Variants in BPGM observed in about 807,000 individuals in gnomAD.
The protein encoded by BPGM is 2,3-bisphosphoglycerate mutase, erythrocyte.
BPGM carries 15 observed loss-of-function variants against 21.6 expected under a neutral mutation model. The observed-to-expected ratio is 0.70, with a 90% CI of 0.47 to 1.07. BPGM has a LOEUF of 1.07. Among genes scored for constraint, BPGM ranks in the 50% least tolerant of loss-of-function variants. The probability of loss-of-function intolerance (pLI) is 0.00; values close to 1 mark genes in which losing one functional copy is unlikely to be tolerated. For missense variants in BPGM, 273 were observed against 319.0 expected (o/e 0.86, Z 1.10); for synonymous variants, 113 against 116.2 (o/e 0.97, Z 0.18).
In BPGM at chr7:134,646,941, A is replaced by G; in HGVS notation, c.-62+4A>G. ...GCTGCTGGTGGCCCCTTTGCAGGTG[A>G]GTGGCTTTGTTTTAGAAAATGTTGC... On this transcript the variant is annotated splice_donor_region_variant and intron_variant, in intron 1 of 2. Transcript: ENST00000344924. 5.6e-6 allele frequency: 1 copy of G among 177,732 alleles called. No individual in the cohort carries two copies. Among genetic ancestry groups the G allele is most frequent in the Non-Finnish European group, 1.2e-5 (1 of 82,062 alleles). 11.0% of individuals were successfully genotyped at this position (177,732 alleles called of 1,614,324 possible).
intron 1 of BPGM, among the ~76,000 whole-genome samples, chr7:134,649,182 T>C (rs1267592471): frequency 2.6e-5 from 4 of 152,190 alleles, no homozygotes; most frequent in African/African-American, 9.7e-5. Flanking sequence ...TTGTTTTTTT[T>C]TTTACTATAG....
intron 1 of BPGM, among the ~76,000 whole-genome samples, chr7:134,648,390 C>T (rs527239087): frequency 4.3e-4 from 65 of 152,138 alleles, no homozygotes; most frequent in Non-Finnish European, 7.4e-4. Context: ...CTGCCTCGGC[C>T]TCCCAAAGTG....
Position 134,658,892 on chromosome 7 carries a change from A to ATTTTTTTT in BPGM, c.-61-2552_-61-2545dup, listed in dbSNP as rs1554411129. ...TCTGTTCTGGTGTGTGTGTGTGTGTATTTTTTTTTTAGTAAAAAGAAAACA... is the reference window on the plus strand; with the variant it reads ...TCTGTTCTGGTGTGTGTGTGTGTGTATTTTTTTTTTTTTTTTTTAGTAAAAAGAAAACA... On this transcript the variant is annotated intron_variant, in intron 1 of 2. Coordinates refer to ENST00000344924, the MANE Select transcript of BPGM (RefSeq NM_001724.5). 6.3e-5 allele frequency among the ~76,000 whole-genome samples: 9 copies of ATTTTTTTT among 143,900 alleles called. 1 individual carries two copies. The highest frequency in any genetic ancestry group is 2.4e-4 in the African/African-American group (9 of 38,124). 94.4% of individuals were successfully genotyped at this position (143,900 alleles called of 152,430 possible). A position where few individuals can be genotyped will look rare whatever the true frequency, so the allele number is the denominator to read the frequency against.
At chr7:134,675,486 G>C (rs1434559460) in intron 2 of BPGM, among the ~76,000 whole-genome samples, 1 of 152,060 alleles carries the variant, frequency 6.6e-6, no homozygotes, top group Non-Finnish European at 1.5e-5. Flanking sequence ...AGTTATCCCA[G>C]TACTATTTGT....
At chr7:134,651,383 G>A (rs1435737439) in intron 1 of BPGM, among the ~76,000 whole-genome samples, 1 of 152,178 alleles carries the variant, frequency 6.6e-6, no homozygotes, top group Admixed American at 6.5e-5. Context: ...ACGTGAGGAA[G>A]GGAGGAAGCA....
intron 2 of BPGM, among the ~76,000 whole-genome samples, chr7:134,677,194 C>A (rs1388020980): frequency 1.3e-5 from 2 of 152,164 alleles, no homozygotes; most frequent in Admixed American, 6.5e-5. Flanking sequence ...CTCTTTTAAG[C>A]CACCCCTTTT....
At chr7:134,674,484 A>C (rs1168696761) in intron 2 of BPGM, among the ~76,000 whole-genome samples, 3 of 152,154 alleles carry the variant, frequency 2.0e-5, no homozygotes, top group Non-Finnish European at 4.4e-5. Context: ...TGGACATTTC[A>C]TGTAAATGGA....
At chr7:134,648,316 G>T (rs967036984) in intron 1 of BPGM, among the ~76,000 whole-genome samples, 1 of 150,912 alleles carries the variant, frequency 6.6e-6, no homozygotes, top group East Asian at 2.0e-4. Context: ...TGTGTTTTTA[G>T]TAGAGACAGG....
chr7:134,662,093 C>G lies in BPGM; in HGVS notation c.586C>G (p.Leu196Val). The change falls in exon 2 of 3, where the codon CTA becomes GTA. Residue 196 changes from leucine (L) to valine (V), a missense_variant. Physicochemically the swap from Leu to Val is conservative, Grantham distance 32 (BLOSUM62 1). Transcript: ENST00000344924. ...TCATGGAAATAGCAGTAGGGCACTC[C>G]TAAAACACCTGGAAGGTACCAGCTT... ...SAHGNSSRAL[L>V]KHLEGISDED... 6.2e-7 allele frequency: 1 copy of G among 1,614,102 alleles called. No individual in the cohort carries two copies. Among genetic ancestry groups the G allele is most frequent in the Non-Finnish European group, 8.5e-7 (1 of 1,179,990 alleles).
rs58864408 is a variant in BPGM, at chr7:134,649,273, T to C, written c.-62+2336T>C. Reference sequence around the variant, plus strand: ...CATTACAAGGATATACTCTTTTGTGTTCCTATTTAAACCAAACCAGATTAT... The same window carrying C: ...CATTACAAGGATATACTCTTTTGTGCTCCTATTTAAACCAAACCAGATTAT... On this transcript the variant is annotated intron_variant, in intron 1 of 2. Coordinates refer to ENST00000344924, the MANE Select transcript of BPGM (RefSeq NM_001724.5). Among the ~76,000 whole-genome samples the C allele has an allele frequency of 3.3e-3, 498 of 152,332 alleles. 2 individuals carry two copies. Among genetic ancestry groups the C allele is most frequent in the African/African-American group, 0.011 (476 of 41,560 alleles).
At chr7:134,649,452 T>C (rs1795522421) in intron 1 of BPGM, among the ~76,000 whole-genome samples, 1 of 152,196 alleles carries the variant, frequency 6.6e-6, no homozygotes, top group Non-Finnish European at 1.5e-5. Context: ...AAGTAATGAT[T>C]GATGCACCTA....
chr7:134,676,511 G>GC (rs749947952), intron 2 of BPGM, among the ~76,000 whole-genome samples: 40 of 152,148 alleles, frequency 2.6e-4, no homozygotes, highest in Non-Finnish European at 5.4e-4. Context: ...AACAGATAAA[G>GC]CATGGTCCTT....
chr7:134,656,889 T>G (rs1795647002), intron 1 of BPGM, among the ~76,000 whole-genome samples: 1 of 152,220 alleles, frequency 6.6e-6, no homozygotes, highest in African/African-American at 2.4e-5. Context: ...AAGTCTCATC[T>G]GAGACGAGGC....
intron 2 of BPGM, among the ~76,000 whole-genome samples, chr7:134,665,851 T>C (rs1436362823): frequency 6.7e-6 from 1 of 149,732 alleles, no homozygotes; most frequent in East Asian, 1.9e-4. Flanking sequence ...TCTTTTCTTT[T>C]AGAGATTAAT....
intron 1 of BPGM, among the ~76,000 whole-genome samples, chr7:134,657,172 T>C (rs1247129060): frequency 6.6e-6 from 1 of 152,222 alleles, no homozygotes; most frequent in Non-Finnish European, 1.5e-5. Context: ...TAAAACTTCA[T>C]TGTGCCTCGC....
intron 2 of BPGM, among the ~76,000 whole-genome samples, chr7:134,669,362 G>T (rs1438950979): frequency 6.6e-6 from 1 of 152,112 alleles, no homozygotes; most frequent in Admixed American, 6.6e-5. Flanking sequence ...AATGTTATAG[G>T]TTGAAAGCTC....
At chr7:134,677,280 C>T (rs773679843) in intron 2 of BPGM, among the ~76,000 whole-genome samples, 3 of 151,900 alleles carry the variant, frequency 2.0e-5, no homozygotes, top group Non-Finnish European at 2.9e-5. Context: ...TTTTAATTGA[C>T]AGGAGAATTG....
intron 1 of BPGM, among the ~76,000 whole-genome samples, chr7:134,656,290 A>T (rs1453727601): frequency 1.3e-5 from 2 of 152,254 alleles, no homozygotes. Flanking sequence ...GGAGCACTTG[A>T]AATGTGGCTG....
chr7:134,652,905 C>T (rs1585851990), intron 1 of BPGM, among the ~76,000 whole-genome samples: 1 of 152,232 alleles, frequency 6.6e-6, no homozygotes, highest in East Asian at 1.9e-4. Flanking sequence ...GCTTCCATAT[C>T]TTGGCTATTG....
Sources: gnomAD v4.1 joint callset for allele counts (sites outside exome capture counted in the v4.1 genomes callset) on GRCh38, gnomAD v4.1.1 for gene constraint, MANE v1.5 for transcripts, NCBI Gene and HGNC (gene_info 2026-07-23, HGNC 2026-07-21) for gene names.